The following MACROD2 variants were observed in gnomAD, a reference collection of about 807,000 sequenced individuals.
The protein encoded by MACROD2 is ADP-ribose glycohydrolase MACROD2.
MACROD2 carries 36 observed loss-of-function variants against 70.4 expected under a neutral mutation model. That is an observed-to-expected ratio of 0.51 (90% confidence interval 0.39 to 0.68). The LOEUF is 0.68. Among genes scored for constraint, MACROD2 ranks in the 30% least tolerant of loss-of-function variants. The probability of loss-of-function intolerance (pLI) is 0.00; values close to 1 mark genes in which losing one functional copy is unlikely to be tolerated. For missense variants in MACROD2, 496 were observed against 538.4 expected (o/e 0.92, Z 0.78); for synonymous variants, 172 against 178.8 (o/e 0.96, Z 0.30).
At chr20:14,046,868 T>C (rs1164858276) in intron 2 of MACROD2, among the ~76,000 whole-genome samples, 3 of 152,018 alleles carry the variant, frequency 2.0e-5, no homozygotes, top group Admixed American at 6.6e-5. Context: ...GGGATATTCA[T>C]AGCAATATTG....
At chr20:15,737,311 G>A (rs1196866214) in intron 8 of MACROD2, among the ~76,000 whole-genome samples, 1 of 152,210 alleles carries the variant, frequency 6.6e-6, no homozygotes, top group Non-Finnish European at 1.5e-5. Flanking sequence ...AAATCAAGAT[G>A]TGAGTTATAC....
chr20:15,395,034 TCTTC>T (rs1393312149), intron 6 of MACROD2, among the ~76,000 whole-genome samples: 1 of 152,222 alleles, frequency 6.6e-6, no homozygotes, highest in Non-Finnish European at 1.5e-5. Flanking sequence ...TAATTACCAT[TCTTC>T]CTTCCTTCCC....
chr20:15,783,812 G>C (rs1457634471), intron 8 of MACROD2, among the ~76,000 whole-genome samples: 4 of 152,058 alleles, frequency 2.6e-5, no homozygotes. Context: ...CAGACTGGTG[G>C]AGTTTACCCC....
chr20:14,459,701 T>C (rs1213427249), intron 3 of MACROD2, among the ~76,000 whole-genome samples: 1 of 152,104 alleles, frequency 6.6e-6, no homozygotes, highest in African/African-American at 2.4e-5. Context: ...AATTTTATGA[T>C]TATTATTTCA....
intron 2 of MACROD2, among the ~76,000 whole-genome samples, chr20:14,054,967 T>G (rs762396264): frequency 3.3e-5 from 5 of 152,204 alleles, no homozygotes; most frequent in Admixed American, 2.0e-4. Context: ...AATAGTTCTA[T>G]ATGGGTTAAT....
At chr20:14,638,764 C>G (rs1195877565) in intron 4 of MACROD2, among the ~76,000 whole-genome samples, 1 of 151,994 alleles carries the variant, frequency 6.6e-6, no homozygotes, top group East Asian at 1.9e-4. Flanking sequence ...TCCTGGCTAA[C>G]ATGGTGAAAT....
intron 3 of MACROD2, among the ~76,000 whole-genome samples, chr20:14,251,513 T>C (rs1444717184): frequency 6.6e-6 from 1 of 152,034 alleles, no homozygotes; most frequent in Non-Finnish European, 1.5e-5. Context: ...ATATTACAGA[T>C]GGAATACAGT....
At position 15,460,473 on chromosome 20, in the gene MACROD2, T is replaced by TAGAGCCTCCAATGTC. The variant is rs1204041018; in HGVS notation, c.571+29051_571+29052insTCAGAGCCTCCAATG. On this transcript the variant is annotated intron_variant, in intron 7 of 17. Coordinates refer to ENST00000684519, the MANE Select transcript of MACROD2 (RefSeq NM_001351661.2). ...CTCCTTGGGGACCTCTTTCAAGTTCTAGAGCCTCCAATGCCAACTGAACAG... is the reference window on the plus strand; with the variant it reads ...CTCCTTGGGGACCTCTTTCAAGTTCTAGAGCCTCCAATGTCAGAGCCTCCAATGCCAACTGAACAG... Among the ~76,000 whole-genome samples the TAGAGCCTCCAATGTC allele has an allele frequency of 1.2e-4, 19 of 152,262 alleles. 1 individual carries two copies. The highest frequency in any genetic ancestry group is 4.6e-4 in the African/African-American group (19 of 41,556).
At chr20:14,052,704 T>G (rs1232403507) in intron 2 of MACROD2, among the ~76,000 whole-genome samples, 1 of 152,164 alleles carries the variant, frequency 6.6e-6, no homozygotes, top group Non-Finnish European at 1.5e-5. Flanking sequence ...AACAGATTTT[T>G]TTTTTTGCAA....
chr20:15,304,824 A>T (rs948290547), intron 6 of MACROD2, among the ~76,000 whole-genome samples: 2 of 152,180 alleles, frequency 1.3e-5, no homozygotes, highest in African/African-American at 4.8e-5. Context: ...CAGGGGCAGG[A>T]TTTGCATCAG....
At chr20:15,885,909 A>C in intron 10 of MACROD2, 98 bp downstream of exon 10, 1 of 1,263,596 alleles carries the variant, frequency 7.9e-7, no homozygotes, top group Non-Finnish European at 1.1e-6. Context: ...AAATAAGATT[A>C]ATAAAATAGA....
At chr20:14,201,583 T>A (rs1041832907) in intron 3 of MACROD2, among the ~76,000 whole-genome samples, 2 of 152,110 alleles carry the variant, frequency 1.3e-5, no homozygotes, top group African/African-American at 4.8e-5. Flanking sequence ...GGCTCACGTC[T>A]GTAATACCAG....
chr20:14,975,061 G>A (rs940488197), intron 5 of MACROD2, among the ~76,000 whole-genome samples: 1 of 151,946 alleles, frequency 6.6e-6, no homozygotes, highest in Non-Finnish European at 1.5e-5. Context: ...TTATTTAGGG[G>A]CATCCTTGGC....
chr20:14,875,009 T>G (rs529498693), intron 5 of MACROD2, among the ~76,000 whole-genome samples: 1 of 151,958 alleles, frequency 6.6e-6, no homozygotes, highest in Admixed American at 6.6e-5. Context: ...CTGGCCAAAG[T>G]TTCATATTTC....
intron 3 of MACROD2, among the ~76,000 whole-genome samples, chr20:14,321,535 G>C (rs1418888534): frequency 6.6e-6 from 1 of 152,192 alleles, no homozygotes; most frequent in Non-Finnish European, 1.5e-5. Context: ...GCTAAATTAA[G>C]ATTTGTTAAT....
rs975679573 is a variant in MACROD2, at chr20:15,898,016, T to A, written c.775+12205T>A. ...CAATACCTTAAAGTACATATTTGGC[T>A]TAGAGTTTTGTTTTTATTTTGTTGG... On this transcript the variant is annotated intron_variant, in intron 10 of 17. Transcript: ENST00000684519. 2.0e-5 allele frequency among the ~76,000 whole-genome samples: 3 copies of A among 152,340 alleles called. No individual in the cohort carries two copies. In the South Asian group the frequency reaches 6.2e-4, roughly 32 times the overall value.
At chr20:14,578,765 G>C (rs555379917) in intron 4 of MACROD2, among the ~76,000 whole-genome samples, 106 of 152,230 alleles carry the variant, frequency 7.0e-4, no homozygotes, top group African/African-American at 2.5e-3. Flanking sequence ...AGCTGATATC[G>C]GGGAAGGTAA....
intron 3 of MACROD2, among the ~76,000 whole-genome samples, chr20:14,186,535 C>T (rs1343390241): frequency 1.3e-5 from 2 of 152,120 alleles, no homozygotes; most frequent in Non-Finnish European, 2.9e-5. Context: ...TTGTGGAGAG[C>T]GGTTTGGTGA....
intron 5 of MACROD2, among the ~76,000 whole-genome samples, chr20:14,927,171 T>G (rs2074243522): frequency 2.0e-5 from 3 of 152,164 alleles, no homozygotes; most frequent in Admixed American, 2.0e-4. Flanking sequence ...TTGTCTTCGC[T>G]AAGAGCTTCT....
Sources: allele counts gnomAD v4.1 joint callset (sites outside exome capture counted in the v4.1 genomes callset), GRCh38; gene constraint gnomAD v4.1.1; transcripts MANE v1.5; gene names NCBI Gene and HGNC (gene_info 2026-07-23, HGNC 2026-07-21).